ABCG8: variants seen among roughly 807,000 people sequenced by gnomAD.
ABCG8 encodes ATP binding cassette subfamily G member 8.
In ABCG8, 81 loss-of-function variants were observed where a neutral mutation model predicts 71.3. That is an observed-to-expected ratio of 1.14 (90% CI 0.95 to 1.37). ABCG8 has a LOEUF of 1.37. Among genes scored for constraint, ABCG8 ranks in the 40% most tolerant of loss-of-function variants. The pLI, the probability that ABCG8 is intolerant of heterozygous loss-of-function variation, is 0.00. For synonymous variants in ABCG8, 451 were observed against 354.7 expected (o/e 1.27, Z -3.05); for missense variants, 1,119 against 866.2 (o/e 1.29, Z -3.66).
Position 43,875,120 on chromosome 2 carries a change from A to G in ABCG8, c.1489-26A>G, listed in dbSNP as rs755956334. Reference sequence around the variant, plus strand: ...ATGGCAGTGAAGGTGCTGGCTTCATATCCTTGCAAGGGCTGTTCTTTGCAG... The same window carrying G: ...ATGGCAGTGAAGGTGCTGGCTTCATGTCCTTGCAAGGGCTGTTCTTTGCAG... On this transcript the variant is annotated intron_variant, in intron 10 of 12. Transcript: ENST00000272286. The G allele has an allele frequency of 8.7e-6, 14 of 1,614,020 alleles. No individual in the cohort carries two copies. The East Asian group carries it at 2.7e-4, about 31-fold the overall frequency.
At chr2:43,854,362 T>A (rs928293120) in intron 6 of ABCG8, among the ~76,000 whole-genome samples, 1 of 152,162 alleles carries the variant, frequency 6.6e-6, no homozygotes, top group African/African-American at 2.4e-5. Flanking sequence ...GTGCAGTGGC[T>A]CATGCCTGTA....
chr2:43,874,093 T>A (rs1240298912), intron 9 of ABCG8, 107 bp downstream of exon 9: 6 of 1,182,810 alleles, frequency 5.1e-6, no homozygotes, highest in Non-Finnish European at 7.5e-6. Context: ...TTGTGATATA[T>A]AAGACAATAA....
chr2:43,873,480 C>T (rs543150066), intron 8 of ABCG8, among the ~76,000 whole-genome samples: 2 of 152,302 alleles, frequency 1.3e-5, no homozygotes, highest in East Asian at 3.9e-4. Context: ...GCGTGAGCCA[C>T]CACGCCCAGC....
intron 6 of ABCG8, among the ~76,000 whole-genome samples, chr2:43,870,967 T>G (rs902209594): frequency 6.6e-6 from 1 of 151,862 alleles, no homozygotes; most frequent in Non-Finnish European, 1.5e-5. Context: ...TGGATAGAAC[T>G]CTCACCATCT....
At chr2:43,844,478 G>A (rs746268989) in intron 1 of ABCG8, 29 bp from the exon 2 acceptor site, 1 of 1,566,338 alleles carries the variant, frequency 6.4e-7, no homozygotes, top group Non-Finnish European at 8.8e-7. Context: ...GCTTCTAAAG[G>A]AGCCCCTCAT....
chr2:43,855,005 C>T (rs1669053062), intron 6 of ABCG8, among the ~76,000 whole-genome samples: 1 of 152,192 alleles, frequency 6.6e-6, no homozygotes, highest in African/African-American at 2.4e-5. Context: ...GAGAAATCTA[C>T]CTGAAGTTGG....
intron 3 of ABCG8, among the ~76,000 whole-genome samples, chr2:43,850,125 G>A (rs974454703): frequency 6.6e-6 from 1 of 152,166 alleles, no homozygotes; most frequent in Non-Finnish European, 1.5e-5. Context: ...TCAGGAGGCT[G>A]AGGCAGGGGA....
rs116597891 is a variant in ABCG8, at chr2:43,874,155, C to T, written c.1411+169C>T. On this transcript the variant is annotated intron_variant, in intron 9 of 12. Coordinates refer to ENST00000272286, the MANE Select transcript of ABCG8 (RefSeq NM_022437.3). ...TAGCATACAAATGAAAGTAAATTAC[C>T]GAGTCTTAGCTGTTCCTATCCTAGC... 5.6e-3 allele frequency among the ~76,000 whole-genome samples: 854 copies of T among 152,104 alleles called. 3 individuals are homozygous for T. The highest frequency in any genetic ancestry group is 0.021 in the South Asian group (102 of 4,806).
intron 3 of ABCG8, chr2:43,848,469 C>T (rs1668813729): frequency 6.6e-6 from 1 of 151,962 alleles, no homozygotes; most frequent in Admixed American, 6.5e-5. Flanking sequence ...CAGTCTCTGT[C>T]TTAAGAGAAT....
rs761376730 is a variant in ABCG8, at chr2:43,872,315, C to T, written c.1211+9C>T. ...TTTACGACGCTGATCCGGTAATTAT[C>T]TGTCATTTTATTACTGAACCCGCCC... On this transcript the variant is annotated intron_variant, in intron 8 of 12. Transcript: ENST00000272286. The T allele has an allele frequency of 1.9e-6, 3 of 1,612,692 alleles. No homozygotes were observed. Among genetic ancestry groups the T allele is most frequent in the Non-Finnish European group, 2.5e-6 (3 of 1,179,476 alleles).
intron 6 of ABCG8, among the ~76,000 whole-genome samples, chr2:43,863,798 G>A (rs72796796): frequency 0.055 from 7,793 of 142,636 alleles, 249 homozygotes; most frequent in Middle Eastern, 0.16. Context: ...CTGTGGATAG[G>A]ACTCTCACTA....
intron 6 of ABCG8, among the ~76,000 whole-genome samples, chr2:43,871,153 A>G (rs1027732429): frequency 3.3e-5 from 5 of 151,714 alleles, no homozygotes; most frequent in African/African-American, 1.2e-4. Flanking sequence ...TCTGGATAGA[A>G]CTGTCACTAT....
At position 43,874,440 on chromosome 2, in the gene ABCG8, T is replaced by C; in HGVS notation, c.1445T>C (p.Leu482Pro). The part of the protein sequence containing the change: ...YSERAMLYYE[L>P]EDGLYTTGPY... ...GAGAGGGCAATGCTTTACTATGAAC[T>C]GGAAGACGGGCTGTACACCACTGGT... The change falls in exon 10 of 13, where the codon CTG becomes CCG. Residue 482 changes from leucine (L) to proline (P), a missense_variant. Leu to Pro is a moderately conservative substitution (Grantham distance 98). Coordinates refer to ENST00000272286, the MANE Select transcript of ABCG8 (RefSeq NM_022437.3). 1.2e-6 allele frequency: 2 copies of C among 1,613,996 alleles called. No individual in the cohort carries two copies. Among genetic ancestry groups the C allele is most frequent in the South Asian group, 1.1e-5 (1 of 91,088 alleles).
At chr2:43,846,557 G>T in intron 3 of ABCG8, 1 of 518,700 alleles carries the variant, frequency 1.9e-6, no homozygotes, top group Non-Finnish European at 3.5e-6. Flanking sequence ...CGAGGCTGTG[G>T]CCAGAGCATC....
At chr2:43,849,538 G>A (rs1377276034) in intron 3 of ABCG8, among the ~76,000 whole-genome samples, 2 of 152,132 alleles carry the variant, frequency 1.3e-5, no homozygotes, top group East Asian at 1.9e-4. Context: ...TTACAATTTC[G>A]GATGAGATTC....
intron 6 of ABCG8, among the ~76,000 whole-genome samples, chr2:43,854,036 C>G (rs978473424): frequency 9.8e-5 from 15 of 152,358 alleles, no homozygotes; most frequent in African/African-American, 3.6e-4. Flanking sequence ...CAAAAGGCAC[C>G]TGCCGACCTG....
At position 43,877,957 on chromosome 2, in the gene ABCG8, C is replaced by T; in HGVS notation, c.*44C>T. On this transcript the variant is annotated 3_prime_UTR_variant, in exon 13 of 13. Coordinates refer to ENST00000272286, the MANE Select transcript of ABCG8 (RefSeq NM_022437.3). Reference sequence around the variant, plus strand: ...CCGCTGGTGGGGGACCTGAGCAGACCCTTCAACTGCACTCCCTCCTCAGGA... The same window carrying T: ...CCGCTGGTGGGGGACCTGAGCAGACTCTTCAACTGCACTCCCTCCTCAGGA... The T allele has an allele frequency of 6.2e-7, 1 of 1,613,614 alleles. No individual in the cohort carries two copies. Among genetic ancestry groups the T allele is most frequent in the Non-Finnish European group, 8.5e-7 (1 of 1,179,882 alleles).
chr2:43,854,352 G>A (rs1048699753), intron 6 of ABCG8, among the ~76,000 whole-genome samples: 1 of 152,184 alleles, frequency 6.6e-6, no homozygotes, highest in Non-Finnish European at 1.5e-5. Context: ...GAAGGGCCGG[G>A]TGCAGTGGCT....
chr2:43,872,201 G>A, intron 7 of ABCG8, 22 bp from the exon 8 acceptor site: 2 of 1,613,978 alleles, frequency 1.2e-6, no homozygotes, highest in South Asian at 1.1e-5. Context: ...CCCATGACCT[G>A]GCCACATCTT....
Sources: gnomAD v4.1 joint callset for allele counts (sites outside exome capture counted in the v4.1 genomes callset) on GRCh38, gnomAD v4.1.1 for gene constraint, MANE v1.5 for transcripts, NCBI Gene and HGNC (gene_info 2026-07-23, HGNC 2026-07-21) for gene names.